Variants in CTNNA2 observed in about 807,000 individuals in gnomAD.
CTNNA2 encodes the protein catenin alpha-2.
A neutral mutation model predicts 101.0 loss-of-function variants in CTNNA2; 42 were observed. That is an observed-to-expected ratio of 0.42 (90% CI 0.32 to 0.54). The LOEUF is 0.54. CTNNA2 is among the 20% of genes least tolerant of loss of function. The pLI is 0.14. For missense variants in CTNNA2, 871 were observed against 1,223.1 expected (o/e 0.71, Z 4.29); for synonymous variants, 450 against 456.4 (o/e 0.99, Z 0.18).
chr2:79,843,809 C>A (rs1315326770), intron 3 of CTNNA2, among the ~76,000 whole-genome samples: 4 of 152,182 alleles, frequency 2.6e-5, no homozygotes, highest in Non-Finnish European at 5.9e-5. Flanking sequence ...TGCCCCAACA[C>A]AATTGCTAAA....
At chr2:79,633,281 A>G (rs888158750) in intron 1 of CTNNA2, among the ~76,000 whole-genome samples, 1 of 152,194 alleles carries the variant, frequency 6.6e-6, no homozygotes, top group Non-Finnish European at 1.5e-5. Flanking sequence ...TCACAGATAG[A>G]TGCAACAGTG....
At chr2:80,098,488 G>A (rs893742615) in intron 7 of CTNNA2, among the ~76,000 whole-genome samples, 4 of 152,176 alleles carry the variant, frequency 2.6e-5, no homozygotes, top group African/African-American at 9.7e-5. Flanking sequence ...CCCCGTTCTC[G>A]GATCTCAAGC....
At chr2:79,856,260 A>C (rs182455501) in intron 3 of CTNNA2, among the ~76,000 whole-genome samples, 20 of 152,330 alleles carry the variant, frequency 1.3e-4, no homozygotes, top group Non-Finnish European at 2.9e-5. Context: ...CCCGAGTATA[A>C]AAAGTATCAC....
chr2:80,459,883 T>A (rs1433318579), intron 9 of CTNNA2, among the ~76,000 whole-genome samples: 3 of 152,140 alleles, frequency 2.0e-5, no homozygotes, highest in Non-Finnish European at 4.4e-5. Flanking sequence ...TGGGCCAGTG[T>A]GTGAGAGACT....
chr2:80,115,610 G>T (rs1248038666), intron 7 of CTNNA2, among the ~76,000 whole-genome samples: 1 of 152,178 alleles, frequency 6.6e-6, no homozygotes, highest in Non-Finnish European at 1.5e-5. Flanking sequence ...ACGGGGAGAG[G>T]CTGTTGCTCA....
At chr2:80,170,601 A>G (rs1441405831) in intron 7 of CTNNA2, among the ~76,000 whole-genome samples, 1 of 152,000 alleles carries the variant, frequency 6.6e-6, no homozygotes, top group African/African-American at 2.4e-5. Flanking sequence ...CTTGTTCAAT[A>G]CCCTTTCCTG....
At chr2:79,793,069 T>G (rs1675412049) in intron 3 of CTNNA2, among the ~76,000 whole-genome samples, 1 of 152,184 alleles carries the variant, frequency 6.6e-6, no homozygotes, top group Non-Finnish European at 1.5e-5. Flanking sequence ...TTTAGTATGA[T>G]GCCAATCCAG....
intron 17 of CTNNA2, among the ~76,000 whole-genome samples, chr2:80,611,336 G>T (rs1698452793): frequency 6.6e-6 from 1 of 150,598 alleles, no homozygotes; most frequent in East Asian, 2.0e-4. Flanking sequence ...AAGAGAAGAG[G>T]CATAAAAGAA....
At chr2:80,170,281 A>T (rs1704971975) in intron 7 of CTNNA2, among the ~76,000 whole-genome samples, 1 of 151,392 alleles carries the variant, frequency 6.6e-6, no homozygotes, top group Non-Finnish European at 1.5e-5. Flanking sequence ...TCCTTCATAT[A>T]TCAAAGTGAC....
At chr2:79,246,675 C>G (rs1674704856) in intron 2 of CTNNA2, among the ~76,000 whole-genome samples, 2 of 152,226 alleles carry the variant, frequency 1.3e-5, no homozygotes. Flanking sequence ...TACATATCAG[C>G]ATTCTGTTGG....
At chr2:80,201,459 C>T (rs1024390583) in intron 7 of CTNNA2, among the ~76,000 whole-genome samples, 6 of 149,554 alleles carry the variant, frequency 4.0e-5, no homozygotes, top group Middle Eastern at 3.4e-3. Context: ...CTGCAAGCTC[C>T]GCCTCCCAGG....
chr2:79,837,254 T>A (rs1679444501), intron 3 of CTNNA2, among the ~76,000 whole-genome samples: 1 of 152,136 alleles, frequency 6.6e-6, no homozygotes, highest in African/African-American at 2.4e-5. Flanking sequence ...ATCTAATGTT[T>A]GAGGGCAGGA....
chr2:79,976,552 T>C (rs532806957), intron 7 of CTNNA2, among the ~76,000 whole-genome samples: 1 of 152,316 alleles, frequency 6.6e-6, no homozygotes, highest in South Asian at 2.1e-4. Flanking sequence ...AAAAGTTCTA[T>C]TTGTTGATTT....
At chr2:79,731,590 A>G (rs1687198382) in intron 2 of CTNNA2, among the ~76,000 whole-genome samples, 1 of 152,056 alleles carries the variant, frequency 6.6e-6, no homozygotes, top group Admixed American at 6.6e-5. Flanking sequence ...ATTTTCATCC[A>G]AAAGAAAAGG....
intron 9 of CTNNA2, among the ~76,000 whole-genome samples, chr2:80,423,833 C>T (rs1244594417): frequency 6.6e-6 from 1 of 152,142 alleles, no homozygotes; most frequent in African/African-American, 2.4e-5. Context: ...ATGTGACAGC[C>T]AGGATTTGAG....
chr2:80,108,358 A>C (rs1425202664), intron 7 of CTNNA2, among the ~76,000 whole-genome samples: 2 of 152,242 alleles, frequency 1.3e-5, no homozygotes, highest in Non-Finnish European at 2.9e-5. Flanking sequence ...ATTAACCAGA[A>C]CACCCAGTAA....
intron 7 of CTNNA2, among the ~76,000 whole-genome samples, chr2:80,013,653 G>T (rs773509881): frequency 6.6e-6 from 1 of 152,096 alleles, no homozygotes; most frequent in Non-Finnish European, 1.5e-5. Context: ...TTCCACCCAC[G>T]TAATTTACCC....
intron 1 of CTNNA2, among the ~76,000 whole-genome samples, chr2:79,574,367 C>T (rs1322664669): frequency 2.0e-5 from 3 of 152,122 alleles, no homozygotes; most frequent in Non-Finnish European, 4.4e-5. Flanking sequence ...CACCCCCCTT[C>T]CACCCTCCAC....
chr2:79,807,143 T>G, intron 3 of CTNNA2, among the ~76,000 whole-genome samples: 1 of 152,292 alleles, frequency 6.6e-6, no homozygotes, highest in South Asian at 2.1e-4. Context: ...AAGAACACTT[T>G]TTTTAAATAC....
Sources: gnomAD v4.1 joint callset for allele counts (sites outside exome capture counted in the v4.1 genomes callset) on GRCh38, gnomAD v4.1.1 for gene constraint, MANE v1.5 for transcripts, NCBI Gene and HGNC (gene_info 2026-07-23, HGNC 2026-07-21) for gene names.